Variants in FAM171A1 observed in about 807,000 individuals in gnomAD.
FAM171A1 encodes protein FAM171A1.
Under a neutral mutation model 74.9 loss-of-function variants are expected in FAM171A1, and 23 were observed. The ratio of observed to expected loss-of-function variants is 0.31; its 90% confidence interval spans 0.22 to 0.44. FAM171A1 has a LOEUF of 0.44. Among genes scored for constraint, FAM171A1 ranks in the 20% least tolerant of loss-of-function variants. The pLI is 1.00. For missense variants in FAM171A1, 1,162 were observed against 1,159.2 expected, an observed-to-expected ratio of 1.00 and a Z score of -0.03; for synonymous variants, 527 against 505.7, an observed-to-expected ratio of 1.04 and a Z score of -0.57.
intron 1 of FAM171A1, among the ~76,000 whole-genome samples, chr10:15,297,434 A>G (rs1835174607): frequency 6.6e-6 from 1 of 152,080 alleles, no homozygotes; most frequent in African/African-American, 2.4e-5. Context: ...CTATCCCTCT[A>G]ATGCATAAAC....
At chr10:15,335,058 A>T (rs1835684792) in intron 1 of FAM171A1, among the ~76,000 whole-genome samples, 1 of 152,200 alleles carries the variant, frequency 6.6e-6, no homozygotes, top group African/African-American at 2.4e-5. Context: ...CCTGGGCAAC[A>T]GGGTGAAACC....
intron 3 of FAM171A1, among the ~76,000 whole-genome samples, chr10:15,269,201 C>A (rs1455644142): frequency 6.6e-6 from 1 of 152,126 alleles, no homozygotes; most frequent in Admixed American, 6.6e-5. Flanking sequence ...GCAGCCTCGA[C>A]CTCCTGGGCT....
intron 3 of FAM171A1, among the ~76,000 whole-genome samples, chr10:15,257,963 T>C (rs1488539327): frequency 6.6e-6 from 1 of 152,186 alleles, no homozygotes; most frequent in African/African-American, 2.4e-5. Flanking sequence ...GATAAGCCTG[T>C]AGGGCTCCAT....
At chr10:15,257,381 C>T (rs187779690) in intron 3 of FAM171A1, among the ~76,000 whole-genome samples, 89 of 152,242 alleles carry the variant, frequency 5.8e-4, no homozygotes, top group South Asian at 3.7e-3. Flanking sequence ...CCAGGACTTA[C>T]GGGGACTGGC....
intron 4 of FAM171A1, among the ~76,000 whole-genome samples, chr10:15,253,508 G>C (rs2073049657): frequency 6.6e-6 from 1 of 152,090 alleles, no homozygotes; most frequent in Non-Finnish European, 1.5e-5. Flanking sequence ...AAACGTTTTG[G>C]AAAACAGAGA....
chr10:15,236,626 A>G (rs999009317), intron 5 of FAM171A1, among the ~76,000 whole-genome samples: 5 of 152,220 alleles, frequency 3.3e-5, no homozygotes, highest in African/African-American at 1.2e-4. Flanking sequence ...CATCCAGTGC[A>G]ATATTCACAT....
intron 1 of FAM171A1, among the ~76,000 whole-genome samples, chr10:15,343,291 C>T (rs965439019): frequency 1.3e-5 from 2 of 152,176 alleles, no homozygotes; most frequent in African/African-American, 2.4e-5. Context: ...ATCGCTTGAG[C>T]CCAGGAGTTC....
At chr10:15,252,323 G>A (rs1019252865) in intron 4 of FAM171A1, among the ~76,000 whole-genome samples, 2 of 152,066 alleles carry the variant, frequency 1.3e-5, no homozygotes, top group African/African-American at 2.4e-5. Context: ...ACAGCCTTTC[G>A]GAGCCCTTTC....
chr10:15,294,098 G>A (rs534147967), intron 1 of FAM171A1, among the ~76,000 whole-genome samples: 1 of 152,304 alleles, frequency 6.6e-6, no homozygotes, highest in Admixed American at 6.5e-5. Flanking sequence ...GCTCCCGGAA[G>A]AGTCACACCA....
chr10:15,271,643 T>G (rs1481674839), intron 3 of FAM171A1, among the ~76,000 whole-genome samples: 1 of 152,196 alleles, frequency 6.6e-6, no homozygotes, highest in Non-Finnish European at 1.5e-5. Context: ...AAAGGTCGGA[T>G]TACCCACAAA....
At chr10:15,289,231 C>G (rs973324667) in intron 1 of FAM171A1, among the ~76,000 whole-genome samples, 1 of 152,146 alleles carries the variant, frequency 6.6e-6, no homozygotes, top group African/African-American at 2.4e-5. Context: ...AAATGACAAC[C>G]AGGGCAGCTG....
intron 1 of FAM171A1, among the ~76,000 whole-genome samples, chr10:15,336,758 A>G (rs1750726659): frequency 6.6e-6 from 1 of 152,182 alleles, no homozygotes; most frequent in African/African-American, 2.4e-5. Flanking sequence ...ATGTTTTCTC[A>G]CAGAACTAAC....
At chr10:15,216,140 T>C in intron 6 of FAM171A1, 30 bp from the exon 7 acceptor site, 1 of 1,370,860 alleles carries the variant, frequency 7.3e-7, no homozygotes, top group East Asian at 2.3e-5. Flanking sequence ...CATTTAGAGT[T>C]TTGAACACCT....
intron 1 of FAM171A1, among the ~76,000 whole-genome samples, chr10:15,285,202 G>C (rs1360060572): frequency 6.6e-6 from 1 of 152,228 alleles, no homozygotes; most frequent in African/African-American, 2.4e-5. Context: ...CATGTGTGGA[G>C]GCTTAGAGGC....
chr10:15,289,534 C>A (rs528324551), intron 1 of FAM171A1, among the ~76,000 whole-genome samples: 1 of 152,174 alleles, frequency 6.6e-6, no homozygotes, highest in East Asian at 1.9e-4. Context: ...TATTTCCAGG[C>A]CTTCACCATC....
intron 5 of FAM171A1, among the ~76,000 whole-genome samples, chr10:15,244,180 C>T (rs1834401286): frequency 6.6e-6 from 1 of 152,094 alleles, no homozygotes; most frequent in Non-Finnish European, 1.5e-5. Flanking sequence ...TAGTGAAACC[C>T]CATCTTTACT....
intron 1 of FAM171A1, among the ~76,000 whole-genome samples, chr10:15,346,709 C>G (rs4339937): frequency 0.88 from 133,537 of 152,188 alleles, 58,633 homozygotes; most frequent in East Asian, 1. Context: ...ATGGGTCCAG[C>G]ACACCCAACT....
chr10:15,271,964 G>A (rs558663922), intron 3 of FAM171A1, among the ~76,000 whole-genome samples: 1 of 152,296 alleles, frequency 6.6e-6, no homozygotes, highest in East Asian at 1.9e-4. Flanking sequence ...ATGCTAGGAA[G>A]AAACTGCATC....
At chr10:15,361,990 T>C (rs1441725558) in intron 1 of FAM171A1, among the ~76,000 whole-genome samples, 1 of 152,202 alleles carries the variant, frequency 6.6e-6, no homozygotes, top group Non-Finnish European at 1.5e-5. Flanking sequence ...GTAAACTCAA[T>C]TTTCACTTCC....
Sources: gnomAD v4.1 joint callset for allele counts (sites outside exome capture counted in the v4.1 genomes callset) on GRCh38, gnomAD v4.1.1 for gene constraint, MANE v1.5 for transcripts, NCBI Gene and HGNC (gene_info 2026-07-23, HGNC 2026-07-21) for gene names.